TSSK6: variants seen among roughly 807,000 people sequenced by gnomAD.
TSSK6 encodes testis-specific serine/threonine-protein kinase 6.
TSSK6 carries 9 observed loss-of-function variants against 8.5 expected under a neutral mutation model. That is an observed-to-expected ratio of 1.06 (90% confidence interval 0.64 to 1.85). TSSK6 has a LOEUF of 1.85. Among genes scored for constraint, TSSK6 ranks in the 40% most tolerant of loss-of-function variants. The pLI is 0.00. For missense variants in TSSK6, 311 were observed against 391.5 expected (o/e 0.79, Z 1.73); for synonymous variants, 202 against 182.4 (o/e 1.11, Z -0.86).
chr19:19,515,468 G>A lies in TSSK6; in HGVS notation c.-41C>T. 1 of 1,542,992 alleles carries A rather than the reference G, an allele frequency of 6.5e-7. No individual in the cohort carries two copies. Among genetic ancestry groups the A allele is most frequent in the South Asian group, 1.2e-5 (1 of 82,856 alleles). On this transcript the variant is annotated 5_prime_UTR_variant, in exon 1 of 1. Transcript: ENST00000585580. ...GCACGGGGGGCAGGAGGCGGCTGCT[G>A]TCGGGGGGCGGCCGGACTCCAATCT...
Position 19,514,954 on chromosome 19 carries a change from G to T in TSSK6, c.474C>A (p.Gly158=), listed in dbSNP as rs780413936. Reference sequence around the variant, plus strand: ...GGTCTGGGTAGCCATGGGCCTGGCGGCCGAAGCCGAAGTCGGTGAGCTTGA... The same window carrying T: ...GGTCTGGGTAGCCATGGGCCTGGCGTCCGAAGCCGAAGTCGGTGAGCTTGA... ...RRVKLTDFGF[G]RQAHGYPDLS... The change falls in exon 1 of 1, where the codon GGC becomes GGA. Residue 158 remains glycine, a synonymous_variant. Coordinates refer to ENST00000585580, the MANE Select transcript of TSSK6 (RefSeq NM_032037.4). 1.6e-5 allele frequency: 25 copies of T among 1,601,516 alleles called. No homozygotes were observed. The African/African-American group carries it at 2.7e-4, about 17-fold the overall frequency.
rs774076164 is a variant in TSSK6 at position 19,515,470 on chromosome 19, C to CG, written c.-44dup. On this transcript the variant is annotated 5_prime_UTR_variant, in exon 1 of 1. An upstream open reading frame in the 5' UTR gains an earlier in-frame stop. Coordinates refer to ENST00000585580, the MANE Select transcript of TSSK6 (RefSeq NM_032037.4). Reference sequence around the variant, plus strand: ...ACGGGGGGCAGGAGGCGGCTGCTGTCGGGGGGCGGCCGGACTCCAATCTCG... The same window carrying CG: ...ACGGGGGGCAGGAGGCGGCTGCTGTCGGGGGGGCGGCCGGACTCCAATCTCG... 1.3e-6 allele frequency: 2 copies of CG among 1,542,118 alleles called. No individual in the cohort carries two copies. Among genetic ancestry groups the CG allele is most frequent in the Admixed American group, 1.9e-5 (1 of 53,038 alleles).
Position 19,514,561 on chromosome 19 carries a change from G to T in TSSK6, c.*45C>A, listed in dbSNP as rs980213054. On this transcript the variant is annotated 3_prime_UTR_variant, in exon 1 of 1. Coordinates refer to ENST00000585580, the MANE Select transcript of TSSK6 (RefSeq NM_032037.4). The stretch of plus-strand genomic sequence containing the variant: ...GCGCCTCTTGCGCGTGCGCCGCCCT[G>T]GCCCAGTGCCCTTGGCTGCAGGAAT... The T allele has an allele frequency of 6.8e-7, 1 of 1,473,008 alleles. No individual in the cohort carries two copies. Among genetic ancestry groups the T allele is most frequent in the South Asian group, 1.3e-5 (1 of 77,006 alleles). The allele number at this position is 1,473,008 out of a possible 1,614,324, so 91.2% of individuals were successfully genotyped here.
In TSSK6 at chr19:19,515,548, T is replaced by A; in HGVS notation, c.-121A>T. ...CACCCCCGCACCCCCATGTGCCCACTGCCAGACATTGGCCGCTGTTGTGCC... is the reference window on the plus strand; with the variant it reads ...CACCCCCGCACCCCCATGTGCCCACAGCCAGACATTGGCCGCTGTTGTGCC... On this transcript the variant is annotated 5_prime_UTR_variant, in exon 1 of 1. Transcript: ENST00000585580. 1 of 883,882 alleles carries A rather than the reference T, an allele frequency of 1.1e-6. No homozygotes were observed. The highest frequency in any genetic ancestry group is 1.8e-6 in the Non-Finnish European group (1 of 570,236). The allele number at this position is 883,882 out of a possible 1,614,324, so 54.8% of individuals were successfully genotyped here.
At position 19,515,535 on chromosome 19, in the gene TSSK6, C is replaced by A; in HGVS notation, c.-108G>T. 3.0e-6 allele frequency: 3 copies of A among 996,614 alleles called. No homozygotes were observed. The highest frequency in any genetic ancestry group is 2.5e-5 in the Admixed American group (1 of 39,828). The allele number at this position is 996,614 out of a possible 1,614,324, so 61.7% of individuals were successfully genotyped here. Reference sequence around the variant, plus strand: ...CGCTTGGCACCTACACCCCCGCACCCCCATGTGCCCACTGCCAGACATTGG... The same window carrying A: ...CGCTTGGCACCTACACCCCCGCACCACCATGTGCCCACTGCCAGACATTGG... On this transcript the variant is annotated 5_prime_UTR_variant, in exon 1 of 1. Transcript: ENST00000585580.
chr19:19,515,492 C>A lies in TSSK6; in HGVS notation c.-65G>T. 3 of 1,478,838 alleles carry A rather than the reference C, an allele frequency of 2.0e-6. No homozygotes were observed. The highest frequency in any genetic ancestry group is 1.9e-5 in the Admixed American group (1 of 51,552). The allele number at this position is 1,478,838 out of a possible 1,614,324, so 91.6% of individuals were successfully genotyped here. A position where few individuals can be genotyped will look rare whatever the true frequency, so the allele number is the denominator to read the frequency against. On this transcript the variant is annotated 5_prime_UTR_variant, in exon 1 of 1. Coordinates refer to ENST00000585580, the MANE Select transcript of TSSK6 (RefSeq NM_032037.4). The stretch of plus-strand genomic sequence containing the variant: ...TGTCGGGGGGCGGCCGGACTCCAAT[C>A]TCGGGTCTAAGCCATGGCGCTTGGC...
rs750252197 is a variant in TSSK6, at chr19:19,514,235, T to TAA, written c.*370_*371insTT. ...AGAGCCAGGTGCGAGGAACAGCGAGTTTATTGCAGGTTCCAACCGGGAACC... is the reference window on the plus strand; with the variant it reads ...AGAGCCAGGTGCGAGGAACAGCGAGTAATTATTGCAGGTTCCAACCGGGAACC... On this transcript the variant is annotated 3_prime_UTR_variant, in exon 1 of 1. Coordinates refer to ENST00000585580, the MANE Select transcript of TSSK6 (RefSeq NM_032037.4). The TAA allele has an allele frequency of 1.1e-4, 27 of 256,262 alleles. No homozygotes were observed. The highest frequency in any genetic ancestry group is 1.7e-4 in the Non-Finnish European group (22 of 133,288). The allele number at this position is 256,262 out of a possible 1,614,324, so 15.9% of individuals were successfully genotyped here.
In TSSK6 at chr19:19,515,091, G is replaced by C; in HGVS notation, c.337C>G (p.Arg113Gly). 1 of 1,605,724 alleles carries C rather than the reference G, an allele frequency of 6.2e-7. No individual in the cohort carries two copies. Among genetic ancestry groups the C allele is most frequent in the Non-Finnish European group, 8.5e-7 (1 of 1,177,380 alleles). ...RNGRIPGVQA[R>G]DLFAQIAGAV... is the part of the protein sequence containing the mutation. ...CCGGCGATCTGCGCAAAGAGGTCGCGCGCCTGAACTCCGGGGATGCGCCCG... is the reference window on the plus strand; with the variant it reads ...CCGGCGATCTGCGCAAAGAGGTCGCCCGCCTGAACTCCGGGGATGCGCCCG... Residue 113 changes from arginine (R) to glycine (G), a missense_variant, in exon 1 of 1, where the codon CGC becomes GGC. Arg to Gly is a moderately radical substitution (Grantham distance 125, BLOSUM62 -2). Transcript: ENST00000585580.
rs778910650 is a variant in TSSK6 at position 19,515,047 on chromosome 19, G to A, written c.381C>T (p.His127=). ...AQIAGAVRYL[H]DHHLVHRDLK... Reference sequence around the variant, plus strand: ...GGTCGCGGTGCACCAGGTGATGATCGTGCAGGTAGCGCACGGCGCCGGCGA... The same window carrying A: ...GGTCGCGGTGCACCAGGTGATGATCATGCAGGTAGCGCACGGCGCCGGCGA... Residue 127 remains histidine, a synonymous_variant, in exon 1 of 1, where the codon CAC becomes CAT. Transcript: ENST00000585580. The A allele has an allele frequency of 6.8e-6, 11 of 1,610,368 alleles. No individual in the cohort carries two copies. Among genetic ancestry groups the A allele is most frequent in the Admixed American group, 3.3e-5 (2 of 59,926 alleles).
chr19:19,514,792 G>A lies in TSSK6; in HGVS notation c.636C>T (p.Phe212=). 6.2e-7 allele frequency: 1 copy of A among 1,601,900 alleles called. No homozygotes were observed. Among genetic ancestry groups the A allele is most frequent in the Non-Finnish European group, 8.5e-7 (1 of 1,179,508 alleles). The change falls in exon 1 of 1, where the codon TTC becomes TTT. Residue 212 remains phenylalanine (F), a synonymous_variant. Coordinates refer to ENST00000585580, the MANE Select transcript of TSSK6 (RefSeq NM_032037.4). ...GCAGGCCGGCGATGTCCGAGTCGTC[G>A]AAGGGCATGCACCCGGTGACCATGA... ...LYVMVTGCMP[F]DDSDIAGLPR...
Position 19,515,347 on chromosome 19 carries a change from C to T in TSSK6, c.81G>A (p.Lys27=), listed in dbSNP as rs777135084. The T allele has an allele frequency of 3.7e-6, 6 of 1,613,962 alleles. No individual in the cohort carries two copies. Among genetic ancestry groups the T allele is most frequent in the Admixed American group, 1.7e-5 (1 of 60,032 alleles). The stretch of plus-strand genomic sequence containing the variant: ...CCTTGTACTTCTTGGATGTGGCCAC[C>T]TTCACCTTGGAGTAGCTGCCCTCTC... ...TIGEGSYSKV[K]VATSKKYKGT... Residue 27 remains lysine (K), a synonymous_variant, in exon 1 of 1, where the codon AAG becomes AAA. Transcript: ENST00000585580.
In TSSK6 at chr19:19,514,268, C is replaced by T. The variant is rs1035082305; in HGVS notation, c.*338G>A. On this transcript the variant is annotated 3_prime_UTR_variant, in exon 1 of 1. Coordinates refer to ENST00000585580, the MANE Select transcript of TSSK6 (RefSeq NM_032037.4). Reference sequence around the variant, plus strand: ...AGGTTCCAACCGGGAACCTGGCACCCACGGCTGGTTGGGAAGGGACGCCCT... The same window carrying T: ...AGGTTCCAACCGGGAACCTGGCACCTACGGCTGGTTGGGAAGGGACGCCCT... The T allele has an allele frequency of 2.2e-4, 68 of 313,638 alleles. No homozygotes were observed. The highest frequency in any genetic ancestry group is 1.9e-3 in the Middle Eastern group (2 of 1,068). 19.4% of individuals were successfully genotyped at this position (313,638 alleles called of 1,614,324 possible). A position where few individuals can be genotyped will look rare whatever the true frequency, so the allele number is the denominator to read the frequency against.
Position 19,515,239 on chromosome 19 carries a change from G to A in TSSK6, c.189C>T (p.Ile63=). The change falls in exon 1 of 1, where the codon ATC becomes ATT. Residue 63 remains isoleucine (I), a synonymous_variant. Coordinates refer to ENST00000585580, the MANE Select transcript of TSSK6 (RefSeq NM_032037.4). ...TGTGCGGGTGTCGCACGCCCCGCAGGATGGACAGCTCTCGCGGCAGGAACT... is the reference window on the plus strand; with the variant it reads ...TGTGCGGGTGTCGCACGCCCCGCAGAATGGACAGCTCTCGCGGCAGGAACT... ...VNKFLPRELS[I]LRGVRHPHIV... is the part of the protein sequence containing the mutation. 6.2e-7 allele frequency: 1 copy of A among 1,613,020 alleles called. No homozygotes were observed.
At position 19,515,461 on chromosome 19, in the gene TSSK6, G is replaced by C; in HGVS notation, c.-34C>G. 2 of 1,555,824 alleles carry C rather than the reference G, an allele frequency of 1.3e-6. No individual in the cohort carries two copies. Among genetic ancestry groups the C allele is most frequent in the South Asian group, 1.2e-5 (1 of 83,986 alleles). ...CTAGGGCGCACGGGGGGCAGGAGGC[G>C]GCTGCTGTCGGGGGGCGGCCGGACT... On this transcript the variant is annotated 5_prime_UTR_variant, in exon 1 of 1. Transcript: ENST00000585580.
chr19:19,514,473 G>C lies in TSSK6; in HGVS notation c.*133C>G. On this transcript the variant is annotated 3_prime_UTR_variant, in exon 1 of 1. Coordinates refer to ENST00000585580, the MANE Select transcript of TSSK6 (RefSeq NM_032037.4). The stretch of plus-strand genomic sequence containing the variant: ...ACTCCCCCGTGGGAAGAAAGGGAGG[G>C]AAGCGGAAGGGAAAAAGCGCATGTG... 2.3e-6 allele frequency: 2 copies of C among 863,128 alleles called. No individual in the cohort carries two copies. Among genetic ancestry groups the C allele is most frequent in the Non-Finnish European group, 3.4e-6 (2 of 581,886 alleles). The allele number at this position is 863,128 out of a possible 1,614,324, so 53.5% of individuals were successfully genotyped here.
Position 19,514,536 on chromosome 19 carries a change from G to T in TSSK6, c.*70C>A. 1.5e-6 allele frequency: 2 copies of T among 1,349,384 alleles called. No individual in the cohort carries two copies. The highest frequency in any genetic ancestry group is 1.5e-5 in the South Asian group (1 of 67,566). 83.6% of individuals were successfully genotyped at this position (1,349,384 alleles called of 1,614,324 possible). On this transcript the variant is annotated 3_prime_UTR_variant, in exon 1 of 1. Coordinates refer to ENST00000585580, the MANE Select transcript of TSSK6 (RefSeq NM_032037.4). ...GCAGCTTCGCATATTCCCTCGAAGC[G>T]CGCCTCTTGCGCGTGCGCCGCCCTG...
At position 19,514,813 on chromosome 19, in the gene TSSK6, C is replaced by T. The variant is rs754515573; in HGVS notation, c.615G>A (p.Met205Ile). The T allele has an allele frequency of 6.2e-7, 1 of 1,600,542 alleles. No individual in the cohort carries two copies. Among genetic ancestry groups the T allele is most frequent in the Non-Finnish European group, 8.5e-7 (1 of 1,178,776 alleles). Residue 205 changes from methionine to isoleucine, a missense_variant, in exon 1 of 1, where the codon ATG becomes ATA. Met to Ile is a conservative substitution (Grantham distance 10). Transcript: ENST00000585580. The part of the protein sequence containing the change: ...VWSMGVVLYV[M>I]VTGCMPFDDS... ...CGTCGAAGGGCATGCACCCGGTGAC[C>T]ATGACGTAGAGCACGACGCCCATGC...
rs986636066 is a variant in TSSK6 at position 19,514,340 on chromosome 19, C to T, written c.*266G>A. 1.9e-6 allele frequency: 1 copy of T among 528,602 alleles called. No homozygotes were observed. The highest frequency in any genetic ancestry group is 2.0e-5 in the African/African-American group (1 of 51,280). 32.7% of individuals were successfully genotyped at this position (528,602 alleles called of 1,614,324 possible). On this transcript the variant is annotated 3_prime_UTR_variant, in exon 1 of 1. Coordinates refer to ENST00000585580, the MANE Select transcript of TSSK6 (RefSeq NM_032037.4). ...CGCGCAGGCGCAATGCTTCCGTCCC[C>T]TCTGGTCTCGCCCTCTCGGGGCCTG...
chr19:19,515,022 G>A lies in TSSK6; in HGVS notation c.406C>T (p.Leu136Phe). 6.2e-7 allele frequency: 1 copy of A among 1,611,234 alleles called. No homozygotes were observed. Among genetic ancestry groups the A allele is most frequent in the Admixed American group, 1.7e-5 (1 of 59,928 alleles). The change falls in exon 1 of 1, where the codon CTC (leucine) becomes TTC (phenylalanine). Residue 136 changes from leucine (L) to phenylalanine (F), a missense_variant. Physicochemically the swap from Leu to Phe is conservative, Grantham distance 22. Coordinates refer to ENST00000585580, the MANE Select transcript of TSSK6 (RefSeq NM_032037.4). ...CTCAGCAGCACGTTTTCGCACTTGA[G>A]GTCGCGGTGCACCAGGTGATGATCG... is the stretch of plus-strand genomic sequence containing the variant. ...LHDHHLVHRD[L>F]KCENVLLSPD...
Sources: allele counts gnomAD v4.1 joint callset, GRCh38; gene constraint gnomAD v4.1.1; transcripts MANE v1.5; gene names NCBI Gene and HGNC (gene_info 2026-07-23, HGNC 2026-07-21).